The following CDKAL1 variants were observed in gnomAD, a reference collection of about 807,000 sequenced individuals.
CDKAL1 encodes the protein threonylcarbamoyladenosine tRNA methylthiotransferase.
Under a neutral mutation model 68.2 loss-of-function variants are expected in CDKAL1, and 32 were observed. That is an observed-to-expected ratio of 0.47 (90% confidence interval 0.35 to 0.63). CDKAL1 has a LOEUF of 0.63. CDKAL1 is among the 30% of genes least tolerant of loss of function. The pLI is 0.00. For missense variants in CDKAL1, 606 were observed against 696.7 expected (o/e 0.87, Z 1.47); for synonymous variants, 234 against 244.3 (o/e 0.96, Z 0.39).
intron 5 of CDKAL1, among the ~76,000 whole-genome samples, chr6:20,737,798 A>C (rs2150321934): frequency 6.6e-6 from 1 of 152,346 alleles, no homozygotes; most frequent in African/African-American, 2.4e-5. Context: ...TTCCAAGAAG[A>C]AAAATTATAT....
chr6:20,693,141 A>G (rs1397902341), intron 5 of CDKAL1, among the ~76,000 whole-genome samples: 1 of 148,590 alleles, frequency 6.7e-6, no homozygotes, highest in Non-Finnish European at 1.5e-5. Context: ...AAAAAAAAAA[A>G]AAAAAAAAAA....
At chr6:20,622,022 A>G (rs1337428771) in intron 4 of CDKAL1, among the ~76,000 whole-genome samples, 1 of 152,206 alleles carries the variant, frequency 6.6e-6, no homozygotes, top group Non-Finnish European at 1.5e-5. Flanking sequence ...ATATAAAAAT[A>G]TTTCTATATG....
intron 15 of CDKAL1, among the ~76,000 whole-genome samples, chr6:21,216,673 T>C (rs547715922): frequency 4.7e-4 from 72 of 152,232 alleles, no homozygotes; most frequent in Middle Eastern, 3.4e-3. Context: ...AAGAGATTCT[T>C]AGGGGACTGC....
At chr6:21,119,103 T>C (rs1202341973) in intron 13 of CDKAL1, among the ~76,000 whole-genome samples, 2 of 152,158 alleles carry the variant, frequency 1.3e-5, no homozygotes, top group African/African-American at 4.8e-5. Flanking sequence ...CTCCCCTTCG[T>C]CCCGACCATC....
rs1239650494 is a variant in CDKAL1 at position 20,764,136 on chromosome 6, G to A, written c.517+5493G>A. Among the ~76,000 whole-genome samples the A allele has an allele frequency of 2.6e-5, 4 of 152,266 alleles. No homozygotes were observed. In the East Asian group the frequency reaches 5.8e-4, roughly 22 times the overall value. On this transcript the variant is annotated intron_variant, in intron 7 of 15. Transcript: ENST00000274695. ...TCTGCATTTCTTCCAAAAAAAGTATGTGAAATCTTCTAAACAAAATATCAT... is the reference window on the plus strand; with the variant it reads ...TCTGCATTTCTTCCAAAAAAAGTATATGAAATCTTCTAAACAAAATATCAT...
At chr6:20,974,815 CAAAAAA>C in intron 10 of CDKAL1, among the ~76,000 whole-genome samples, 1 of 139,058 alleles carries the variant, frequency 7.2e-6, no homozygotes, top group South Asian at 2.3e-4. Flanking sequence ...CCAGTCTCTG[CAAAAAA>C]AAAAAAAATT....
At position 20,692,003 on chromosome 6, in the gene CDKAL1, G is replaced by A. The variant is rs111886566; in HGVS notation, c.371+42626G>A. ...AAAAGTTTTTAATTTTTAAGTTTTC[G>A]CAGTGTGCAGTTTAAAAATTTTGTA... is the stretch of plus-strand genomic sequence containing the variant. On this transcript the variant is annotated intron_variant, in intron 5 of 15. Coordinates refer to ENST00000274695, the MANE Select transcript of CDKAL1 (RefSeq NM_017774.3). 3.8e-3 allele frequency among the ~76,000 whole-genome samples: 583 copies of A among 151,862 alleles called. 2 individuals carry two copies. Among genetic ancestry groups the A allele is most frequent in the Non-Finnish European group, 6.2e-3 (421 of 67,974 alleles).
At chr6:21,108,138 G>A (rs1773939765) in intron 12 of CDKAL1, among the ~76,000 whole-genome samples, 1 of 152,064 alleles carries the variant, frequency 6.6e-6, no homozygotes, top group Admixed American at 6.6e-5. Flanking sequence ...AGTTTTTGAT[G>A]ATGATTAGTG....
intron 5 of CDKAL1, among the ~76,000 whole-genome samples, chr6:20,668,117 A>G (rs1287688489): frequency 1.3e-5 from 2 of 149,882 alleles, no homozygotes; most frequent in African/African-American, 4.9e-5. Context: ...CCTTCCTCCA[A>G]TTGTGTATCC....
chr6:21,039,931 G>A (rs146471192), intron 11 of CDKAL1, among the ~76,000 whole-genome samples: 3 of 152,276 alleles, frequency 2.0e-5, no homozygotes, highest in East Asian at 1.9e-4. Flanking sequence ...AGTTTCAGTG[G>A]CTGATTTTGT....
intron 6 of CDKAL1, among the ~76,000 whole-genome samples, chr6:20,755,083 T>G (rs2150344212): frequency 6.6e-6 from 1 of 152,354 alleles, no homozygotes; most frequent in East Asian, 1.9e-4. Flanking sequence ...ACATTTTTCT[T>G]TATGGTTTCA....
intron 4 of CDKAL1, among the ~76,000 whole-genome samples, chr6:20,638,283 A>G (rs1054125636): frequency 2.0e-5 from 3 of 152,156 alleles, no homozygotes; most frequent in Non-Finnish European, 4.4e-5. Flanking sequence ...TTTAGTTTTC[A>G]TTTGTTAAGA....
chr6:20,857,142 T>C (rs376045975), intron 9 of CDKAL1, among the ~76,000 whole-genome samples: 2 of 152,232 alleles, frequency 1.3e-5, no homozygotes, highest in South Asian at 4.1e-4. Context: ...TTCTCAGTCA[T>C]GCTTTTTATT....
chr6:20,860,824 A>C (rs9350293), intron 9 of CDKAL1, among the ~76,000 whole-genome samples: 102,133 of 148,486 alleles, frequency 0.69, 35,457 homozygotes, highest in Non-Finnish European at 0.76. Context: ...CTCCATCTAC[A>C]AAAAAAAAAA....
chr6:20,899,220 A>G (rs1258299965), intron 9 of CDKAL1, among the ~76,000 whole-genome samples: 1 of 151,898 alleles, frequency 6.6e-6, no homozygotes, highest in Non-Finnish European at 1.5e-5. Flanking sequence ...GCCCGCCACC[A>G]CACCTGGATA....
intron 6 of CDKAL1, among the ~76,000 whole-genome samples, chr6:20,750,808 A>G (rs189657449): frequency 4.9e-4 from 75 of 152,130 alleles, no homozygotes; most frequent in Admixed American, 2.6e-3. Context: ...TGCTAAAAAT[A>G]CAAAAATTAG....
intron 5 of CDKAL1, among the ~76,000 whole-genome samples, chr6:20,723,193 T>C (rs1343666886): frequency 2.0e-5 from 3 of 152,194 alleles, no homozygotes; most frequent in African/African-American, 4.8e-5. Context: ...AAAGGAGCAC[T>C]GTAACACCCA....
In CDKAL1 at chr6:21,201,203, T is replaced by A. The variant is rs753991795; in HGVS notation, c.1477T>A (p.Ser493Thr). 3.1e-6 allele frequency: 5 copies of A among 1,613,988 alleles called. No individual in the cohort carries two copies. Among genetic ancestry groups the A allele is most frequent in the Non-Finnish European group, 4.2e-6 (5 of 1,179,874 alleles). The change falls in exon 15 of 16, where the codon TCT (serine) becomes ACT (threonine). Residue 493 changes from serine to threonine, a missense_variant. Physicochemically the swap from Ser to Thr is moderately conservative, Grantham distance 58. Transcript: ENST00000274695. ...ACATTTTATGAAAGGGCAGCCAGTA[T>A]CTGATGCCAAAGTGTACACGCCCTC... ...GKHFMKGQPV[S>T]DAKVYTPSIS...
chr6:21,109,381 A>G (rs1159938984), intron 13 of CDKAL1, among the ~76,000 whole-genome samples: 1 of 152,196 alleles, frequency 6.6e-6, no homozygotes, highest in African/African-American at 2.4e-5. Context: ...TAGTGTGAAA[A>G]CTACTTTCCT....
Sources: gnomAD v4.1 joint callset for allele counts (sites outside exome capture counted in the v4.1 genomes callset) on GRCh38, gnomAD v4.1.1 for gene constraint, MANE v1.5 for transcripts, NCBI Gene and HGNC (gene_info 2026-07-23, HGNC 2026-07-21) for gene names.